LARP1: variants seen among roughly 807,000 people sequenced by gnomAD.
LARP1 encodes la-related protein 1.
A neutral mutation model predicts 122.7 loss-of-function variants in LARP1; 36 were observed. That is an observed-to-expected ratio of 0.29 (90% confidence interval 0.22 to 0.39). The LOEUF is 0.39. Among genes scored for constraint, LARP1 ranks in the 10% least tolerant of loss-of-function variants. LARP1 has a pLI of 1.00. For missense variants in LARP1, 1,040 were observed against 1,403.6 expected (o/e 0.74, Z 4.14); for synonymous variants, 539 against 528.7 (o/e 1.02, Z -0.27).
rs564637596 is a variant in LARP1 at position 154,732,246 on chromosome 5, T to C, written c.205+19116T>C. ...TGCAAACCATATAATTTACCAATTA[T>C]AGTCTGAACAGAGCAAAGAGGCAGG... On this transcript the variant is annotated intron_variant, in intron 1 of 18. Coordinates refer to the LARP1 transcript ENST00000336314. 7.3e-5 allele frequency among the ~76,000 whole-genome samples: 11 copies of C among 150,478 alleles called. No individual in the cohort carries two copies. The South Asian group carries it at 1.5e-3, about 20-fold the overall frequency.
At chr5:154,737,121 A>C (rs927983603) in intron 1 of LARP1, among the ~76,000 whole-genome samples, 32 of 151,924 alleles carry the variant, frequency 2.1e-4, no homozygotes, top group African/African-American at 7.0e-4. Context: ...GCTCACTGCA[A>C]CCTCTGCCTC....
intron 1 of LARP1, among the ~76,000 whole-genome samples, chr5:154,720,706 T>C (rs1381035446): frequency 6.6e-6 from 1 of 151,996 alleles, no homozygotes; most frequent in East Asian, 1.9e-4. Context: ...AGAGAGACCG[T>C]GTCTTGGGAA....
At chr5:154,716,740 C>T (rs1029733140) in intron 1 of LARP1, among the ~76,000 whole-genome samples, 3 of 152,162 alleles carry the variant, frequency 2.0e-5, no homozygotes, top group Admixed American at 6.5e-5. Context: ...TGAGCCACTG[C>T]ACCCAGCTGA....
At chr5:154,721,755 C>T (rs1755884732) in intron 1 of LARP1, among the ~76,000 whole-genome samples, 1 of 152,138 alleles carries the variant, frequency 6.6e-6, no homozygotes, top group African/African-American at 2.4e-5. Context: ...TTGAGAGAAC[C>T]AATCCAGAGA....
upstream of LARP1, among the ~76,000 whole-genome samples, chr5:154,710,215 C>T (rs1476649672): frequency 1.3e-5 from 2 of 152,090 alleles, no homozygotes; most frequent in East Asian, 3.9e-4. Context: ...GAGTTGGGGA[C>T]CTCTGCACTA....
intron 1 of LARP1, among the ~76,000 whole-genome samples, chr5:154,697,770 G>A (rs1422808419): frequency 6.6e-6 from 1 of 152,152 alleles, no homozygotes; most frequent in East Asian, 1.9e-4. Flanking sequence ...GTGCAGGGGG[G>A]ATAGAAAGAC....
At chr5:154,789,219 CT>C (rs757782683) in intron 1 of LARP1, among the ~76,000 whole-genome samples, 100 of 91,384 alleles carry the variant, frequency 1.1e-3, no homozygotes, top group East Asian at 3.6e-3. Flanking sequence ...TCAAAACAAA[CT>C]TTTTTTTTTT....
intron 1 of LARP1, among the ~76,000 whole-genome samples, chr5:154,768,248 C>T (rs1354505221): frequency 1.3e-5 from 2 of 152,174 alleles, no homozygotes; most frequent in African/African-American, 4.8e-5. Flanking sequence ...TTGTAGGGTT[C>T]TGCAGCTACA....
intron 1 of LARP1, among the ~76,000 whole-genome samples, chr5:154,747,778 C>T (rs963726151): frequency 2.0e-5 from 3 of 152,006 alleles, no homozygotes; most frequent in African/African-American, 7.3e-5. Context: ...GCAGGAGAAT[C>T]GCTTGAACCA....
At position 154,778,619 on chromosome 5, in the gene LARP1, A is replaced by G. The variant is rs537588160; in HGVS notation, c.437-11706A>G. 8.2e-4 allele frequency among the ~76,000 whole-genome samples: 125 copies of G among 152,340 alleles called. 2 individuals are homozygous for G. Among genetic ancestry groups the G allele is most frequent in the Middle Eastern group, 6.8e-3 (2 of 294 alleles). On this transcript the variant is annotated intron_variant, in intron 1 of 18. Transcript: ENST00000518297. ...GATGTTAGAACTGGAAGGACTGTGG[A>G]TGATAGGATTCTGCCCACCCCTACC...
In LARP1 at chr5:154,755,430, G is replaced by A. The variant is rs1483608524; in HGVS notation, c.-328G>A. The A allele has an allele frequency of 2.1e-6, 1 of 486,164 alleles. No homozygotes were observed. The highest frequency in any genetic ancestry group is 2.7e-6 in the Non-Finnish European group (1 of 373,780). 30.1% of individuals were successfully genotyped at this position (486,164 alleles called of 1,614,324 possible). ...GAAGCCCGGGCCGCCCCGGGGGCGGGGGGGAGGGAGGGACGGGACTAGAAG... is the reference window on the plus strand; with the variant it reads ...GAAGCCCGGGCCGCCCCGGGGGCGGAGGGGAGGGAGGGACGGGACTAGAAG... On this transcript the variant is annotated 5_prime_UTR_variant, in exon 1 of 19. Transcript: ENST00000518297.
chr5:154,781,979 G>A (rs1756487354), intron 1 of LARP1, among the ~76,000 whole-genome samples: 2 of 152,304 alleles, frequency 1.3e-5, no homozygotes, highest in African/African-American at 4.8e-5. Flanking sequence ...GACTGAGTTA[G>A]AACTTGATCC....
At chr5:154,729,689 G>C (rs1307263351) in intron 1 of LARP1, 1 of 332,918 alleles carries the variant, frequency 3.0e-6, no homozygotes, top group Non-Finnish European at 5.8e-6. Flanking sequence ...TGAATTCGTG[G>C]CATAATAGGT....
At chr5:154,688,195 GT>G (rs1354482210) in intron 1 of LARP1, among the ~76,000 whole-genome samples, 1 of 152,182 alleles carries the variant, frequency 6.6e-6, no homozygotes, top group East Asian at 1.9e-4. Flanking sequence ...GATGTTGGGT[GT>G]CCTGGGGGTG....
At position 154,792,618 on chromosome 5, in the gene LARP1, A is replaced by G. The variant is rs1249658713; in HGVS notation, c.565-4A>G. On this transcript the variant is annotated splice_polypyrimidine_tract_variant and splice_region_variant and intron_variant, in intron 3 of 18. Coordinates refer to ENST00000518297, the MANE Select transcript of LARP1 (RefSeq NM_033551.3). ...CCTCACTGTTACTTTACTTCCTGCTATAGCCACAGTCCCACAAGCCTCAGC... is the reference window on the plus strand; with the variant it reads ...CCTCACTGTTACTTTACTTCCTGCTGTAGCCACAGTCCCACAAGCCTCAGC... The G allele has an allele frequency of 1.9e-6, 3 of 1,613,758 alleles. No homozygotes were observed. Among genetic ancestry groups the G allele is most frequent in the Non-Finnish European group, 1.7e-6 (2 of 1,179,800 alleles).
chr5:154,794,863 T>C (rs1054779277), intron 7 of LARP1, among the ~76,000 whole-genome samples: 19 of 152,218 alleles, frequency 1.2e-4, no homozygotes, highest in African/African-American at 4.3e-4. Flanking sequence ...ATAGAGTGTT[T>C]ATAAGTGTTT....
chr5:154,756,624 A>G (rs1753939559), intron 1 of LARP1: 1 of 509,488 alleles, frequency 2.0e-6, no homozygotes, highest in Admixed American at 6.4e-5. Flanking sequence ...CCCATGTTGT[A>G]AATGTTTAAT....
At chr5:154,780,026 G>A (rs1387229741) in intron 1 of LARP1, among the ~76,000 whole-genome samples, 1 of 152,160 alleles carries the variant, frequency 6.6e-6, no homozygotes, top group Non-Finnish European at 1.5e-5. Flanking sequence ...CAAATTAGCA[G>A]CTCCTGGGAA....
At chr5:154,687,219 T>C (rs1275014262) in intron 1 of LARP1, among the ~76,000 whole-genome samples, 1 of 152,264 alleles carries the variant, frequency 6.6e-6, no homozygotes, top group African/African-American at 2.4e-5. Flanking sequence ...AGCTTGCTTC[T>C]GTTTATAAAA....
Sources: gnomAD v4.1 joint callset for allele counts (sites outside exome capture counted in the v4.1 genomes callset) on GRCh38, gnomAD v4.1.1 for gene constraint, MANE v1.5 for transcripts, NCBI Gene and HGNC (gene_info 2026-07-23, HGNC 2026-07-21) for gene names.